The following CAST variants were observed in gnomAD, a reference collection of about 807,000 sequenced individuals.
The protein encoded by CAST is MIR583 host.
CAST carries 76 observed loss-of-function variants against 119.6 expected under a neutral mutation model. The observed-to-expected ratio is 0.64, with a 90% CI of 0.53 to 0.77. The LOEUF (loss-of-function observed/expected upper bound fraction) is 0.77. Ranked by LOEUF, CAST falls within the 30% of genes least tolerant of loss-of-function variation. The pLI, the probability that CAST is intolerant of heterozygous loss-of-function variation, is 0.00. For missense variants in CAST, 953 were observed against 946.5 expected (o/e 1.01, Z -0.09); for synonymous variants, 319 against 331.6 (o/e 0.96, Z 0.41).
chr5:96,137,785 T>A, the CAST span, among the ~76,000 whole-genome samples: 5 of 152,282 alleles, frequency 3.3e-5, no homozygotes, highest in African/African-American at 1.2e-4. Flanking sequence ...GCTATCTGTA[T>A]ATAATCTTTG....
chr5:96,073,561 G>A, the CAST span, among the ~76,000 whole-genome samples: 57 of 152,202 alleles, frequency 3.7e-4, 1 homozygote, highest in East Asian at 7.9e-3. Context: ...ATTTTTCCAC[G>A]GATGGATGGC....
At chr5:96,068,068 A>T in the CAST span, among the ~76,000 whole-genome samples, 9 of 152,120 alleles carry the variant, frequency 5.9e-5, no homozygotes, top group African/African-American at 2.2e-4. Flanking sequence ...GTGAGGGAAG[A>T]TGTAGGCGGC....
intron 3 of CAST, chr5:96,702,676 G>T: frequency 1.6e-6 from 1 of 641,202 alleles, no homozygotes; most frequent in Non-Finnish European, 1.9e-6. Context: ...CAGATGCCAG[G>T]CGCATGACGA....
the CAST span, among the ~76,000 whole-genome samples, chr5:96,189,582 A>G: frequency 5.3e-5 from 8 of 151,284 alleles, no homozygotes; most frequent in African/African-American, 1.9e-4. Context: ...ACTTTCCTCT[A>G]TTTTCTCTGT....
intron 1 of CAST, among the ~76,000 whole-genome samples, chr5:96,540,457 C>A (rs1745892024): frequency 6.6e-6 from 1 of 151,864 alleles, no homozygotes; most frequent in African/African-American, 2.4e-5. Context: ...ATTTTTAGAG[C>A]AGTTTTAGAT....
At chr5:96,168,940 G>T in the CAST span, among the ~76,000 whole-genome samples, 2 of 152,106 alleles carry the variant, frequency 1.3e-5, no homozygotes, top group South Asian at 4.1e-4. Flanking sequence ...GATTTTGAGG[G>T]CCTCTAAAAG....
chr5:96,416,068 C>T, the CAST span: 1 of 1,613,274 alleles, frequency 6.2e-7, no homozygotes, highest in Non-Finnish European at 8.5e-7. Context: ...TCCAACCCCG[C>T]ATTTGTGATT....
At chr5:96,344,919 T>C in the CAST span, among the ~76,000 whole-genome samples, 1 of 152,204 alleles carries the variant, frequency 6.6e-6, no homozygotes. Flanking sequence ...CGTGATATAA[T>C]GACTTGTAGA....
chr5:96,627,412 C>G (rs566941690), intron 1 of CAST, among the ~76,000 whole-genome samples: 12 of 152,146 alleles, frequency 7.9e-5, no homozygotes, highest in Non-Finnish European at 1.8e-4. Flanking sequence ...ACCCCCTTGA[C>G]CATGATCATG....
chr5:96,468,700 C>T, the CAST span, among the ~76,000 whole-genome samples: 1 of 152,018 alleles, frequency 6.6e-6, no homozygotes, highest in Non-Finnish European at 1.5e-5. Context: ...GTTTTTGAGG[C>T]AGATCATAAA....
At chr5:96,174,440 C>A in the CAST span, among the ~76,000 whole-genome samples, 3 of 152,244 alleles carry the variant, frequency 2.0e-5, no homozygotes, top group African/African-American at 7.2e-5. Flanking sequence ...CACTCCTCCG[C>A]AGACAGGAGG....
At chr5:96,537,573 T>C (rs899562942) in intron 1 of CAST, among the ~76,000 whole-genome samples, 1 of 152,048 alleles carries the variant, frequency 6.6e-6, no homozygotes, top group Non-Finnish European at 1.5e-5. Flanking sequence ...AAAAAACTTA[T>C]CTTTTCAACT....
chr5:96,594,291 A>G (rs1747015959), intron 1 of CAST, among the ~76,000 whole-genome samples: 1 of 152,258 alleles, frequency 6.6e-6, no homozygotes, highest in Non-Finnish European at 1.5e-5. Flanking sequence ...AAGATAGGGC[A>G]ACCCATAGCT....
At chr5:96,661,114 C>T (rs1748367974), upstream of CAST, among the ~76,000 whole-genome samples, 1 of 151,806 alleles carries the variant, frequency 6.6e-6, no homozygotes, top group South Asian at 2.1e-4. Context: ...ACAAATCTCT[C>T]CTTAAAATCT....
At position 96,741,244 on chromosome 5, in the gene CAST, ATCACTGTG is replaced by A; in HGVS notation, c.919-21_919-14del. 7.1e-7 allele frequency: 1 copy of A among 1,411,180 alleles called. No homozygotes were observed. The highest frequency in any genetic ancestry group is 1.0e-6 in the Non-Finnish European group (1 of 999,644). 87.4% of individuals were successfully genotyped at this position (1,411,180 alleles called of 1,614,324 possible). On this transcript the variant is annotated splice_polypyrimidine_tract_variant and intron_variant, in intron 13 of 31. Transcript: ENST00000675179. Reference sequence around the variant, plus strand: ...CTTGAGTGCTTCCCGTAAGTTACCCATCACTGTGCCTGTTTCTTTAGAAACCCATAGGG... The same window carrying A: ...CTTGAGTGCTTCCCGTAAGTTACCCACCTGTTTCTTTAGAAACCCATAGGG...
At chr5:96,239,495 T>G in the CAST span, among the ~76,000 whole-genome samples, 1 of 152,002 alleles carries the variant, frequency 6.6e-6, no homozygotes, top group Non-Finnish European at 1.5e-5. Context: ...TACCTTAATG[T>G]TTCTAGCTTT....
At chr5:96,731,349 C>T (rs1352147144) in intron 9 of CAST, among the ~76,000 whole-genome samples, 1 of 151,818 alleles carries the variant, frequency 6.6e-6, no homozygotes, top group East Asian at 1.9e-4. Context: ...TGATTGTGGG[C>T]ATAACTTCCT....
intron 31 of CAST, chr5:96,772,180 AT>A (rs1385008244): frequency 6.5e-6 from 1 of 153,798 alleles, no homozygotes; most frequent in Non-Finnish European, 1.5e-5. Context: ...AAGATTGGCC[AT>A]TTTTATTTGT....
chr5:96,488,269 A>T, the CAST span, among the ~76,000 whole-genome samples: 2 of 152,210 alleles, frequency 1.3e-5, no homozygotes, highest in African/African-American at 2.4e-5. Flanking sequence ...CTGGGGATTT[A>T]GTGTTCTGTG....
Sources: gnomAD v4.1 joint callset for allele counts (sites outside exome capture counted in the v4.1 genomes callset) on GRCh38, gnomAD v4.1.1 for gene constraint, MANE v1.5 for transcripts, NCBI Gene and HGNC (gene_info 2026-07-23, HGNC 2026-07-21) for gene names.